The following ZNF790 variants were observed in gnomAD, a reference collection of about 807,000 sequenced individuals.
ZNF790 encodes the protein zinc finger protein 790.
ZNF790 carries 8 observed loss-of-function variants against 12.1 expected under a neutral mutation model. That is an observed-to-expected ratio of 0.66 (90% CI 0.39 to 1.19). ZNF790 has a LOEUF of 1.19. Ranked by LOEUF, ZNF790 falls within the 50% of genes most tolerant of loss-of-function variation. The pLI is 0.01. For missense variants in ZNF790, 707 were observed against 752.2 expected (o/e 0.94, Z 0.70); for synonymous variants, 252 against 244.3 (o/e 1.03, Z -0.29).
At chr19:36,846,147 T>C (rs565107793) in intron 1 of ZNF790, among the ~76,000 whole-genome samples, 3 of 152,296 alleles carry the variant, frequency 2.0e-5, no homozygotes, top group Admixed American at 2.0e-4. Flanking sequence ...ATATTTCATT[T>C]ACACATTCAT....
rs775961438 is a variant in ZNF790 at position 36,818,815 on chromosome 19, T to C, written c.1529A>G (p.Glu510Gly). 6 of 1,612,346 alleles carry C rather than the reference T, an allele frequency of 3.7e-6. No homozygotes were observed. The East Asian group carries it at 1.1e-4, about 30-fold the overall frequency. ...HTGKRPYECE[E>G]CGKAFLWGSQ... is the part of the protein sequence containing the mutation. ...ACCCCAGAGAAAGGCTTTTCCACATTCTTCACATTCATATGGCCTCTTTCC... is the reference window on the plus strand; with the variant it reads ...ACCCCAGAGAAAGGCTTTTCCACATCCTTCACATTCATATGGCCTCTTTCC... The change falls in exon 5 of 5, where the codon GAA (glutamate) becomes GGA (glycine). Residue 510 changes from glutamate (E) to glycine (G), a missense_variant. Physicochemically the swap from Glu to Gly is moderately conservative, Grantham distance 98 (BLOSUM62 -2). Transcript: ENST00000356725.
chr19:36,835,660 G>C (rs1175871265), intron 1 of ZNF790, among the ~76,000 whole-genome samples: 3 of 152,122 alleles, frequency 2.0e-5, no homozygotes, highest in African/African-American at 4.8e-5. Context: ...GTAGAAGTCT[G>C]AGTTGGGTCT....
chr19:36,834,553 T>G (rs1284431931), intron 1 of ZNF790, among the ~76,000 whole-genome samples: 2 of 152,208 alleles, frequency 1.3e-5, no homozygotes, highest in African/African-American at 4.8e-5. Flanking sequence ...TTTTACAGTC[T>G]GACAATGCCA....
At chr19:36,837,037 A>G (rs2072061199) in intron 1 of ZNF790, among the ~76,000 whole-genome samples, 1 of 152,116 alleles carries the variant, frequency 6.6e-6, no homozygotes, top group Non-Finnish European at 1.5e-5. Context: ...ATCTTTCACT[A>G]TCCCACGCTA....
upstream of ZNF790, among the ~76,000 whole-genome samples, chr19:36,842,412 T>C (rs1337826601): frequency 6.6e-6 from 1 of 152,264 alleles, no homozygotes; most frequent in East Asian, 1.9e-4. Flanking sequence ...TATAAAGTGC[T>C]CATACATTTC....
At chr19:36,837,043 C>CA (rs2146081963) in intron 1 of ZNF790, among the ~76,000 whole-genome samples, 1 of 152,148 alleles carries the variant, frequency 6.6e-6, no homozygotes, top group East Asian at 1.9e-4. Context: ...CACTATCCCA[C>CA]GCTATCTCTC....
rs1330917446 is a variant in ZNF790 at position 36,818,827 on chromosome 19, T to C, written c.1517A>G (p.Tyr506Cys). The C allele has an allele frequency of 2.5e-6, 4 of 1,613,464 alleles. No homozygotes were observed. Among genetic ancestry groups the C allele is most frequent in the African/African-American group, 1.3e-5 (1 of 74,886 alleles). Residue 506 changes from tyrosine to cysteine, a missense_variant, in exon 5 of 5, where the codon TAT (tyrosine) becomes TGT (cysteine). Coordinates refer to ENST00000356725, the MANE Select transcript of ZNF790 (RefSeq NM_206894.4). ...HQKIHTGKRP[Y>C]ECEECGKAFL... ...GGCTTTTCCACATTCTTCACATTCA[T>C]ATGGCCTCTTTCCAGTATGAATTTT...
intron 1 of ZNF790, among the ~76,000 whole-genome samples, chr19:36,846,512 C>T (rs768664292): frequency 3.3e-5 from 5 of 151,842 alleles, no homozygotes; most frequent in Non-Finnish European, 5.9e-5. Flanking sequence ...TGCAGTGAGC[C>T]GAGACAGTGC....
chr19:36,835,406 T>C (rs186899016), intron 1 of ZNF790, among the ~76,000 whole-genome samples: 4 of 152,338 alleles, frequency 2.6e-5, no homozygotes, highest in Non-Finnish European at 4.4e-5. Flanking sequence ...AAAAGTTCAC[T>C]AAGTTCCAAA....
At chr19:36,849,710 T>C (rs2072223735) in intron 1 of ZNF790, among the ~76,000 whole-genome samples, 2 of 151,866 alleles carry the variant, frequency 1.3e-5, no homozygotes, top group Non-Finnish European at 2.9e-5. Context: ...GAGGTTCAGA[T>C]TCCTCCACAG....
At chr19:36,846,087 G>C (rs1046637773) in intron 1 of ZNF790, among the ~76,000 whole-genome samples, 1 of 152,024 alleles carries the variant, frequency 6.6e-6, no homozygotes, top group Non-Finnish European at 1.5e-5. Flanking sequence ...TGGATTACAG[G>C]CATGAGCCAC....
intron 1 of ZNF790, among the ~76,000 whole-genome samples, chr19:36,845,002 C>T (rs1456201089): frequency 7.1e-6 from 1 of 141,458 alleles, no homozygotes; most frequent in African/African-American, 2.7e-5. Flanking sequence ...GAGCTGAGAT[C>T]CCGCCACTGC....
intron 1 of ZNF790, among the ~76,000 whole-genome samples, chr19:36,844,043 G>T (rs1272980609): frequency 6.8e-6 from 1 of 146,740 alleles, no homozygotes; most frequent in African/African-American, 2.5e-5. Flanking sequence ...AAAAAAGGCC[G>T]GGCAGGGTGA....
intron 1 of ZNF790, among the ~76,000 whole-genome samples, chr19:36,831,027 T>A (rs530899715): frequency 1.1e-4 from 17 of 152,192 alleles, no homozygotes; most frequent in African/African-American, 3.9e-4. Flanking sequence ...TAGTGCCAGC[T>A]ACTTGGGAGG....
intron 1 of ZNF790, among the ~76,000 whole-genome samples, chr19:36,833,704 T>C (rs903413641): frequency 6.6e-6 from 1 of 152,198 alleles, no homozygotes; most frequent in Non-Finnish European, 1.5e-5. Flanking sequence ...AAGGATGGTC[T>C]TGAATACATG....
chr19:36,841,164 T>C (rs953987534), upstream of ZNF790, among the ~76,000 whole-genome samples: 2 of 152,196 alleles, frequency 1.3e-5, no homozygotes, highest in African/African-American at 4.8e-5. Flanking sequence ...AGGTACAATT[T>C]GCATTTAGAG....
chr19:36,841,352 G>A (rs2072127624), upstream of ZNF790, among the ~76,000 whole-genome samples: 1 of 152,146 alleles, frequency 6.6e-6, no homozygotes, highest in Admixed American at 6.6e-5. Flanking sequence ...GGGCACGGTG[G>A]GTCATGCCTG....
intron 1 of ZNF790, among the ~76,000 whole-genome samples, chr19:36,837,300 C>T (rs138246349): frequency 1.8e-4 from 27 of 152,278 alleles, no homozygotes; most frequent in African/African-American, 5.8e-4. Flanking sequence ...CTTGAACACG[C>T]CCTAACATTC....
intron 4 of ZNF790, 51 bp from the exon 5 acceptor site, chr19:36,820,165 A>G (rs751310570): frequency 1.3e-6 from 2 of 1,525,822 alleles, no homozygotes; most frequent in Non-Finnish European, 8.7e-7. Context: ...ACAAAAAGCA[A>G]TACAACTTCT....
Sources: gnomAD v4.1 joint callset for allele counts (sites outside exome capture counted in the v4.1 genomes callset) on GRCh38, gnomAD v4.1.1 for gene constraint, MANE v1.5 for transcripts, NCBI Gene and HGNC (gene_info 2026-07-23, HGNC 2026-07-21) for gene names.